CRADD: variants seen among roughly 807,000 people sequenced by gnomAD.
CRADD encodes CARD and death domain containing adaptor protein.
In CRADD, 9 loss-of-function variants were observed where a neutral mutation model predicts 15.5. The observed-to-expected ratio is 0.58, with a 90% CI of 0.35 to 1.01. The LOEUF (loss-of-function observed/expected upper bound fraction) is 1.01. CRADD is among the 50% of genes least tolerant of loss of function. The pLI is 0.02. For synonymous variants in CRADD, 118 were observed against 107.6 expected, an observed-to-expected ratio of 1.10 and a Z score of -0.60; for missense variants, 227 against 250.3, an observed-to-expected ratio of 0.91 and a Z score of 0.63.
At chr12:93,869,663 G>GA (rs1326511268) in intron 2 of CRADD, among the ~76,000 whole-genome samples, 5 of 152,038 alleles carry the variant, frequency 3.3e-5, no homozygotes, top group Admixed American at 6.6e-5. Context: ...TACAATACCT[G>GA]AAAAAATGAT....
At chr12:93,826,518 G>A (rs1043945228) in intron 2 of CRADD, among the ~76,000 whole-genome samples, 13 of 152,326 alleles carry the variant, frequency 8.5e-5, no homozygotes, top group Middle Eastern at 3.4e-3. Flanking sequence ...CATTTTCAAA[G>A]CTATATCCTC....
chr12:93,832,097 C>T (rs1327623158), intron 2 of CRADD, among the ~76,000 whole-genome samples: 1 of 152,148 alleles, frequency 6.6e-6, no homozygotes, highest in Admixed American at 6.5e-5. Flanking sequence ...TATCCCATGA[C>T]AAATCTTGTT....
At chr12:93,816,253 G>A (rs1957695221) in intron 2 of CRADD, 1 of 152,094 alleles carries the variant, frequency 6.6e-6, no homozygotes, top group Non-Finnish European at 1.5e-5. Flanking sequence ...GTCTTGCTCT[G>A]TCGCCCAGGC....
chr12:93,819,810 C>G (rs142631419), intron 2 of CRADD, among the ~76,000 whole-genome samples: 12 of 152,326 alleles, frequency 7.9e-5, no homozygotes, highest in Admixed American at 2.0e-4. Context: ...CTAACTGTTT[C>G]TTTTCATATT....
intron 2 of CRADD, among the ~76,000 whole-genome samples, chr12:93,686,303 C>A (rs34799754): frequency 2.6e-4 from 19 of 71,820 alleles, no homozygotes; most frequent in East Asian, 5.8e-4. Context: ...TCCATCCCCC[C>A]CAAAAAAAAA....
At chr12:93,770,845 A>T (rs1023690371) in intron 2 of CRADD, among the ~76,000 whole-genome samples, 1 of 152,244 alleles carries the variant, frequency 6.6e-6, no homozygotes, top group Non-Finnish European at 1.5e-5. Flanking sequence ...ACACAGAGAC[A>T]CACTCAGATT....
chr12:93,726,524 G>T (rs1956370475), intron 2 of CRADD, among the ~76,000 whole-genome samples: 1 of 152,076 alleles, frequency 6.6e-6, no homozygotes, highest in African/African-American at 2.4e-5. Context: ...CTCAGGTCTT[G>T]CTTTTTACAT....
chr12:93,682,654 T>C lies in CRADD; in HGVS notation c.298+3582T>C, dbSNP rs1380912935. 2.6e-5 allele frequency among the ~76,000 whole-genome samples: 4 copies of C among 152,218 alleles called. 1 individual carries two copies. Among genetic ancestry groups the C allele is most frequent in the African/African-American group, 4.8e-5 (2 of 41,454 alleles). On this transcript the variant is annotated intron_variant, in intron 2 of 2. Coordinates refer to ENST00000332896, the MANE Select transcript of CRADD (RefSeq NM_003805.5). ...TTCCTGGTTAGTTGCTTTTTACTTA[T>C]GTGCTGGATGTAATTTGTTTAGAGA...
intron 2 of CRADD, among the ~76,000 whole-genome samples, chr12:93,752,006 C>A (rs577408544): frequency 3.3e-5 from 5 of 152,334 alleles, no homozygotes; most frequent in Middle Eastern, 6.8e-3. Flanking sequence ...GGTAGTCGGG[C>A]CGGCAAGTAA....
chr12:93,857,480 G>A (rs1158550788), intron 2 of CRADD, among the ~76,000 whole-genome samples: 1 of 152,190 alleles, frequency 6.6e-6, no homozygotes, highest in Admixed American at 6.5e-5. Flanking sequence ...GATGAATTTG[G>A]TGCTCCTGGT....
At chr12:93,691,019 T>C (rs1239397628) in intron 2 of CRADD, among the ~76,000 whole-genome samples, 1 of 152,234 alleles carries the variant, frequency 6.6e-6, no homozygotes, top group Non-Finnish European at 1.5e-5. Flanking sequence ...ATAAAGGTTT[T>C]GAATGTGATT....
At chr12:93,789,283 G>A (rs1337450750) in intron 2 of CRADD, among the ~76,000 whole-genome samples, 1 of 152,094 alleles carries the variant, frequency 6.6e-6, no homozygotes, top group Non-Finnish European at 1.5e-5. Context: ...TGCCTGGGAA[G>A]CTGGAGATGT....
rs1461507929 is a variant in CRADD at position 93,824,448 on chromosome 12, G to A, written c.299-25522G>A. Among the ~76,000 whole-genome samples, 1 of 150,534 alleles carries A rather than the reference G, an allele frequency of 6.6e-6. No homozygotes were observed. Among genetic ancestry groups the A allele is most frequent in the Non-Finnish European group, 1.5e-5 (1 of 67,578 alleles). ...CACACACACACACACACACTACCAG[G>A]AAGCAGGCTAAAAGAATATTACATG... On this transcript the variant is annotated intron_variant, in intron 2 of 2. Coordinates refer to ENST00000332896, the MANE Select transcript of CRADD (RefSeq NM_003805.5). This position sits in a 1 kb window ranked among gnomAD's most constrained non-coding sequence, Gnocchi z 4.3.
At chr12:93,871,730 A>G (rs960786840) in intron 2 of CRADD, among the ~76,000 whole-genome samples, 2 of 152,180 alleles carry the variant, frequency 1.3e-5, no homozygotes, top group Non-Finnish European at 2.9e-5. Flanking sequence ...CATGTTGCAA[A>G]TGATTGGATT....
At chr12:93,837,094 C>T (rs773656714) in intron 2 of CRADD, among the ~76,000 whole-genome samples, 1 of 152,056 alleles carries the variant, frequency 6.6e-6, no homozygotes, top group Non-Finnish European at 1.5e-5. Context: ...CTCTCTGGTT[C>T]GCAGCTGGCT....
Position 93,715,943 on chromosome 12 carries a change from A to C in CRADD, c.298+36871A>C, listed in dbSNP as rs146794726. Among the ~76,000 whole-genome samples the C allele has an allele frequency of 9.4e-3, 1,425 of 152,114 alleles. 22 individuals carry two copies. The highest frequency in any genetic ancestry group is 0.032 in the African/African-American group (1,341 of 41,482). Reference sequence around the variant, plus strand: ...GATCGCTTGAGGTCAGGAGTTCGAGATTAGCTTGGCCAACATGGTGAAATA... The same window carrying C: ...GATCGCTTGAGGTCAGGAGTTCGAGCTTAGCTTGGCCAACATGGTGAAATA... On this transcript the variant is annotated intron_variant, in intron 2 of 2. Coordinates refer to ENST00000332896, the MANE Select transcript of CRADD (RefSeq NM_003805.5).
chr12:93,729,218 G>A (rs1341897811), intron 2 of CRADD, among the ~76,000 whole-genome samples: 2 of 152,176 alleles, frequency 1.3e-5, no homozygotes, highest in Non-Finnish European at 2.9e-5. Flanking sequence ...TTTCAGGTTA[G>A]GAATTATCAA....
intron 2 of CRADD, among the ~76,000 whole-genome samples, chr12:93,789,019 T>C (rs745847032): frequency 5.9e-5 from 9 of 152,194 alleles, no homozygotes; most frequent in African/African-American, 9.7e-5. Context: ...ATTATTTGTA[T>C]GTCTTATCCT....
chr12:93,752,475 G>A (rs182890694), intron 2 of CRADD, among the ~76,000 whole-genome samples: 16 of 152,310 alleles, frequency 1.1e-4, no homozygotes, highest in Admixed American at 9.8e-4. Context: ...AACACTGTGT[G>A]TTTAAGCTAT....
Sources: gnomAD v4.1 joint callset for allele counts (sites outside exome capture counted in the v4.1 genomes callset) on GRCh38, gnomAD v4.1.1 for gene constraint, Gnocchi (gnomAD v3.1) non-coding constraint, MANE v1.5 for transcripts, NCBI Gene and HGNC (gene_info 2026-07-23, HGNC 2026-07-21) for gene names.